The following CENPP variants were observed in gnomAD, a reference collection of about 807,000 sequenced individuals.
The protein encoded by CENPP is centromere protein P.
Under a neutral mutation model 35.6 loss-of-function variants are expected in CENPP, and 24 were observed. The observed-to-expected ratio is 0.67, with a 90% CI of 0.49 to 0.95. CENPP has a LOEUF of 0.95. Ranked by LOEUF, CENPP falls within the 40% of genes least tolerant of loss-of-function variation. The pLI is 0.00. For synonymous variants in CENPP, 120 were observed against 125.5 expected (o/e 0.96, Z 0.29); for missense variants, 332 against 345.3 (o/e 0.96, Z 0.31).
chr9:92,425,782 A>G (rs1480777385), intron 5 of CENPP, among the ~76,000 whole-genome samples: 1 of 152,234 alleles, frequency 6.6e-6, no homozygotes, highest in African/African-American at 2.4e-5. Flanking sequence ...TTTAGCCAAG[A>G]TTCCATCTTG....
At position 92,393,094 on chromosome 9, in the gene CENPP, G is replaced by A. The variant is rs746353071; in HGVS notation, c.564+13235G>A. The stretch of plus-strand genomic sequence containing the variant: ...ATTTCAGCTTAACTTACGTATGTCT[G>A]CAAAATCTTTGGCAGTCAGCTTTTT... On this transcript the variant is annotated intron_variant, in intron 5 of 7. Transcript: ENST00000375587. 31 of 1,612,582 alleles carry A rather than the reference G, an allele frequency of 1.9e-5. No homozygotes were observed. The East Asian group carries it at 6.7e-4, about 35-fold the overall frequency.
At chr9:92,470,695 C>A in intron 5 of CENPP, 3 of 1,567,546 alleles carry the variant, frequency 1.9e-6, no homozygotes, top group South Asian at 1.2e-5. Flanking sequence ...CCTTTAAAAT[C>A]ATTTTCTTTG....
chr9:92,404,322 T>G (rs1320826176), intron 5 of CENPP, among the ~76,000 whole-genome samples: 1 of 152,196 alleles, frequency 6.6e-6, no homozygotes, highest in Non-Finnish European at 1.5e-5. Context: ...CACCCTATTC[T>G]TGCCTGCGTG....
intron 5 of CENPP, among the ~76,000 whole-genome samples, chr9:92,555,214 ATTTTTTTTTTTTTTT>A (rs34701393): frequency 0.022 from 1,420 of 63,550 alleles, 53 homozygotes; most frequent in African/African-American, 0.11. Flanking sequence ...TTTTTTGGAA[ATTTTTTTTTTTTTTT>A]TTTTTTTTTT....
At chr9:92,329,248 A>G (rs2130771917) in intron 1 of CENPP, among the ~76,000 whole-genome samples, 1 of 145,088 alleles carries the variant, frequency 6.9e-6, no homozygotes, top group East Asian at 2.0e-4. Flanking sequence ...GTGGTGGCGC[A>G]ACCTCAGCTC....
At position 92,486,831 on chromosome 9, in the gene CENPP, G is replaced by A. The variant is rs550487082; in HGVS notation, c.564+106972G>A. On this transcript the variant is annotated intron_variant, in intron 5 of 7. Coordinates refer to ENST00000375587, the MANE Select transcript of CENPP (RefSeq NM_001012267.3). ...GAGTCTTGCTCTGTCACCCAGGCTG[G>A]AGGGCAGTGGCACAATCTCAGCTCA... Among the ~76,000 whole-genome samples the A allele has an allele frequency of 4.7e-5, 7 of 150,368 alleles. No homozygotes were observed. In the East Asian group the frequency reaches 7.8e-4, roughly 17 times the overall value.
At chr9:92,481,534 G>A (rs1391939762) in intron 5 of CENPP, among the ~76,000 whole-genome samples, 3 of 151,996 alleles carry the variant, frequency 2.0e-5, no homozygotes, top group African/African-American at 4.8e-5. Flanking sequence ...AGATTACTAG[G>A]GAGTAGAATA....
chr9:92,466,666 T>A, intron 5 of CENPP: 1 of 1,130,218 alleles, frequency 8.8e-7, no homozygotes, highest in Non-Finnish European at 1.3e-6. Context: ...TCAGTACAAT[T>A]TATATCAGTG....
intron 4 of CENPP, among the ~76,000 whole-genome samples, chr9:92,370,220 G>A (rs1472252311): frequency 6.6e-6 from 1 of 152,074 alleles, no homozygotes; most frequent in African/African-American, 2.4e-5. Flanking sequence ...TGGTTTGCTA[G>A]TTACTTTGTT....
intron 5 of CENPP, chr9:92,495,994 T>G (rs1014858512): frequency 4.7e-5 from 47 of 996,370 alleles, no homozygotes; most frequent in Non-Finnish European, 5.5e-5. Context: ...ACACCAGTAT[T>G]CAAGTTGATT....
intron 5 of CENPP, among the ~76,000 whole-genome samples, chr9:92,440,989 C>T (rs1844372425): frequency 6.6e-6 from 1 of 152,156 alleles, no homozygotes; most frequent in Non-Finnish European, 1.5e-5. Context: ...GTGTTAAGTT[C>T]CTGTGGCATA....
chr9:92,565,629 A>G (rs910324268), intron 5 of CENPP, among the ~76,000 whole-genome samples: 1 of 152,326 alleles, frequency 6.6e-6, no homozygotes, highest in East Asian at 1.9e-4. Context: ...AGATACAGAC[A>G]AAGAGGTAGG....
intron 5 of CENPP, among the ~76,000 whole-genome samples, chr9:92,405,298 A>T (rs1588106633): frequency 6.6e-6 from 1 of 151,994 alleles, no homozygotes; most frequent in South Asian, 2.1e-4. Flanking sequence ...TTTTTTAAAG[A>T]GTCACTTTTA....
intron 2 of CENPP, among the ~76,000 whole-genome samples, chr9:92,333,418 T>C (rs1324030913): frequency 6.6e-6 from 1 of 152,180 alleles, no homozygotes; most frequent in Non-Finnish European, 1.5e-5. Flanking sequence ...TATAAGACTT[T>C]TACTAGCTTA....
At chr9:92,606,166 G>A (rs1588313662) in intron 5 of CENPP, among the ~76,000 whole-genome samples, 1 of 152,152 alleles carries the variant, frequency 6.6e-6, no homozygotes, top group Non-Finnish European at 1.5e-5. Flanking sequence ...GGAGGCTGAG[G>A]TGGGAGAATT....
chr9:92,464,657 G>A, intron 5 of CENPP: 1 of 576,802 alleles, frequency 1.7e-6, no homozygotes, highest in African/African-American at 1.8e-5. Context: ...ATGAGTAAAT[G>A]TCAGGAAAGA....
chr9:92,394,823 T>C (rs1842830123), intron 5 of CENPP, among the ~76,000 whole-genome samples: 1 of 151,822 alleles, frequency 6.6e-6, no homozygotes, highest in Non-Finnish European at 1.5e-5. Flanking sequence ...GCCAGGCTGC[T>C]TTCGAACTCC....
At chr9:92,331,822 G>A (rs1564261480) in intron 1 of CENPP, among the ~76,000 whole-genome samples, 1 of 152,118 alleles carries the variant, frequency 6.6e-6, no homozygotes, top group Non-Finnish European at 1.5e-5. Context: ...AATTAGCTAG[G>A]CACAGTGGCA....
intron 5 of CENPP, among the ~76,000 whole-genome samples, chr9:92,561,059 A>G (rs932659695): frequency 5.9e-5 from 9 of 151,820 alleles, no homozygotes; most frequent in Non-Finnish European, 1.3e-4. Flanking sequence ...GCTCTCCCTC[A>G]TGATCTGCTT....
Sources: gnomAD v4.1 joint callset for allele counts (sites outside exome capture counted in the v4.1 genomes callset) on GRCh38, gnomAD v4.1.1 for gene constraint, MANE v1.5 for transcripts, NCBI Gene and HGNC (gene_info 2026-07-23, HGNC 2026-07-21) for gene names.